The following EDIL3 variants were observed in gnomAD, a reference collection of about 807,000 sequenced individuals.
EDIL3 encodes EGF like and discoidin domains 3.
In EDIL3, 37 loss-of-function variants were observed where a neutral mutation model predicts 67.4. The ratio of observed to expected loss-of-function variants is 0.55; its 90% CI spans 0.42 to 0.72. EDIL3 has a LOEUF of 0.72. Ranked by LOEUF, EDIL3 falls within the 30% of genes least tolerant of loss-of-function variation. The probability of loss-of-function intolerance (pLI) is 0.00; values close to 1 mark genes in which losing one functional copy is unlikely to be tolerated. For missense variants in EDIL3, 527 were observed against 586.3 expected, an observed-to-expected ratio of 0.90 and a Z score of 1.04; for synonymous variants, 195 against 196.3, an observed-to-expected ratio of 0.99 and a Z score of 0.05.
chr5:83,950,243 G>T (rs905799419), intron 10 of EDIL3, among the ~76,000 whole-genome samples: 1 of 151,756 alleles, frequency 6.6e-6, no homozygotes, highest in Non-Finnish European at 1.5e-5. Flanking sequence ...GATAATTTTA[G>T]TTGTGTTTGT....
chr5:84,150,982 AG>A (rs1282027987), intron 4 of EDIL3, among the ~76,000 whole-genome samples: 22 of 152,134 alleles, frequency 1.4e-4, no homozygotes, highest in Admixed American at 6.5e-5. Flanking sequence ...CTATCATCAC[AG>A]AAAGTAAATC....
intron 9 of EDIL3, among the ~76,000 whole-genome samples, chr5:83,987,255 T>A (rs888164852): frequency 3.1e-4 from 47 of 152,138 alleles, no homozygotes; most frequent in African/African-American, 1.0e-3. Flanking sequence ...AATAGCTTGG[T>A]TTCTCCTTGT....
intron 1 of EDIL3, among the ~76,000 whole-genome samples, chr5:84,254,898 G>C (rs1294303047): frequency 6.6e-6 from 1 of 152,146 alleles, no homozygotes; most frequent in African/African-American, 2.4e-5. Flanking sequence ...ATAGTATCTG[G>C]AAAAGCAGTC....
intron 1 of EDIL3, among the ~76,000 whole-genome samples, chr5:84,337,568 C>T (rs1244772322): frequency 6.6e-6 from 1 of 152,048 alleles, no homozygotes. Context: ...ATACCCAGAG[C>T]ATGGCTCTAG....
At position 84,300,799 on chromosome 5, in the gene EDIL3, A is replaced by G. The variant is rs73769796; in HGVS notation, c.68-46587T>C. ...CATAAACAAGGAAATAGACAAGGTT[A>G]TGTAACATGATTAGAATCACAGAAT... is the stretch of plus-strand genomic sequence containing the variant. On this transcript the variant is annotated intron_variant, in intron 1 of 10. Transcript: ENST00000296591. 4.6e-3 allele frequency among the ~76,000 whole-genome samples: 703 copies of G among 152,312 alleles called. 4 individuals carry two copies. Among genetic ancestry groups the G allele is most frequent in the African/African-American group, 0.016 (671 of 41,556 alleles).
chr5:84,250,986 C>T (rs1362985921), intron 2 of EDIL3, among the ~76,000 whole-genome samples: 1 of 152,104 alleles, frequency 6.6e-6, no homozygotes, highest in Admixed American at 6.6e-5. Context: ...CTCAAAATAC[C>T]CACATGTGTT....
intron 10 of EDIL3, among the ~76,000 whole-genome samples, chr5:83,957,063 G>A (rs975209787): frequency 3.3e-5 from 5 of 151,678 alleles, no homozygotes; most frequent in African/African-American, 1.2e-4. Context: ...GAATCCTAGT[G>A]TTTTGTATAA....
At chr5:84,129,986 CTGTTTATTCTTGAGGATAAACAAAGGATG>C (rs1383124210) in intron 5 of EDIL3, among the ~76,000 whole-genome samples, 3 of 152,128 alleles carry the variant, frequency 2.0e-5, no homozygotes, top group Non-Finnish European at 2.9e-5. Flanking sequence ...GACAAAGGAT[CTGTTTATTCTTGAGGATAAACAAAGGATG>C]TGTTTATTCT....
chr5:84,376,717 A>G (rs1333186597), intron 1 of EDIL3, among the ~76,000 whole-genome samples: 1 of 152,226 alleles, frequency 6.6e-6, no homozygotes, highest in African/African-American at 2.4e-5. Context: ...GTACGTTTAC[A>G]GGCAAACTGA....
intron 8 of EDIL3, among the ~76,000 whole-genome samples, chr5:84,061,751 T>C (rs888675331): frequency 1.2e-4 from 18 of 152,144 alleles, no homozygotes; most frequent in African/African-American, 4.1e-4. Context: ...ATTCAGTCAA[T>C]GTTAACTATT....
At chr5:84,101,960 G>C (rs908524393) in intron 6 of EDIL3, among the ~76,000 whole-genome samples, 4 of 151,944 alleles carry the variant, frequency 2.6e-5, no homozygotes, top group African/African-American at 9.7e-5. Flanking sequence ...ACAACTAAAA[G>C]CTTATCCACC....
intron 9 of EDIL3, among the ~76,000 whole-genome samples, chr5:84,055,942 C>T (rs1746437918): frequency 1.3e-5 from 2 of 152,146 alleles, no homozygotes; most frequent in Admixed American, 1.3e-4. Context: ...TCATTTGACC[C>T]AGCCATCCCA....
intron 1 of EDIL3, among the ~76,000 whole-genome samples, chr5:84,300,244 T>C (rs1746129009): frequency 6.6e-6 from 1 of 152,170 alleles, no homozygotes; most frequent in African/African-American, 2.4e-5. Flanking sequence ...CTTGCATCTC[T>C]TTGACTATTC....
intron 9 of EDIL3, among the ~76,000 whole-genome samples, chr5:84,016,296 A>C (rs381738): frequency 0.86 from 130,250 of 152,182 alleles, 56,422 homozygotes; most frequent in Non-Finnish European, 0.92. Flanking sequence ...AGTAAAGTTG[A>C]GTAAATCTAG....
At chr5:84,256,826 A>C (rs762704679) in intron 1 of EDIL3, among the ~76,000 whole-genome samples, 6 of 152,218 alleles carry the variant, frequency 3.9e-5, no homozygotes, top group Non-Finnish European at 8.8e-5. Flanking sequence ...CTCAAAAAAA[A>C]TGATGAAGAT....
intron 5 of EDIL3, among the ~76,000 whole-genome samples, chr5:84,132,059 C>T (rs1747975682): frequency 1.3e-5 from 2 of 150,124 alleles, no homozygotes; most frequent in Admixed American, 6.7e-5. Context: ...ATGGTGAAAC[C>T]CCGTCTCTAC....
At chr5:84,255,918 G>A (rs998698748) in intron 1 of EDIL3, among the ~76,000 whole-genome samples, 6 of 152,212 alleles carry the variant, frequency 3.9e-5, no homozygotes, top group African/African-American at 1.4e-4. Flanking sequence ...GTTAGATCAG[G>A]GAGGATTAAA....
At position 84,064,914 on chromosome 5, in the gene EDIL3, C is replaced by G. The variant is rs1332820475; in HGVS notation, c.808-70G>C. ...ACCTATTTTTACATATTTACCCTATCTATACCTTATCGAAAATAATTGTTC... is the reference window on the plus strand; with the variant it reads ...ACCTATTTTTACATATTTACCCTATGTATACCTTATCGAAAATAATTGTTC... On this transcript the variant is annotated intron_variant, in intron 7 of 10. Transcript: ENST00000296591. The G allele has an allele frequency of 2.1e-6, 3 of 1,457,606 alleles. No homozygotes were observed. The African/African-American group carries it at 4.3e-5, about 21-fold the overall frequency. The allele number at this position is 1,457,606 out of a possible 1,614,324, so 90.3% of individuals were successfully genotyped here. A position where few individuals can be genotyped will look rare whatever the true frequency, so the allele number is the denominator to read the frequency against.
At chr5:84,034,096 G>C (rs1475093420) in intron 9 of EDIL3, among the ~76,000 whole-genome samples, 3 of 152,094 alleles carry the variant, frequency 2.0e-5, no homozygotes, top group Admixed American at 6.6e-5. Context: ...AGATAAAAAG[G>C]CTTTGGCATT....
Sources: gnomAD v4.1 joint callset for allele counts (sites outside exome capture counted in the v4.1 genomes callset) on GRCh38, gnomAD v4.1.1 for gene constraint, MANE v1.5 for transcripts, NCBI Gene and HGNC (gene_info 2026-07-23, HGNC 2026-07-21) for gene names.